The following IL2RB variants were observed in gnomAD, a reference collection of about 807,000 sequenced individuals.
The protein encoded by IL2RB is interleukin 2 receptor subunit beta.
Under a neutral mutation model 44.2 loss-of-function variants are expected in IL2RB, and 17 were observed. The observed-to-expected ratio is 0.38, with a 90% confidence interval of 0.26 to 0.58. The LOEUF (loss-of-function observed/expected upper bound fraction) is 0.58, where lower values mean the gene tolerates loss of function less well. Ranked by LOEUF, IL2RB falls within the 20% of genes least tolerant of loss-of-function variation. The pLI, the probability that IL2RB is intolerant of heterozygous loss-of-function variation, is 0.63. For missense variants in IL2RB, 624 were observed against 685.5 expected, an observed-to-expected ratio of 0.91 and a Z score of 1.00; for synonymous variants, 286 against 297.9, an observed-to-expected ratio of 0.96 and a Z score of 0.41.
In IL2RB at chr22:37,128,024, G is replaced by T; in HGVS notation, c.*72C>A. ...TGAGTGTCCTCAGCAGTGGACTGAGGACCCTCAACAGGGTCCTTCTGAGGC... is the reference window on the plus strand; with the variant it reads ...TGAGTGTCCTCAGCAGTGGACTGAGTACCCTCAACAGGGTCCTTCTGAGGC... On this transcript the variant is annotated 3_prime_UTR_variant, in exon 10 of 10. Coordinates refer to ENST00000216223, the MANE Select transcript of IL2RB (RefSeq NM_000878.5). This position sits in a 1 kb window ranked among gnomAD's most constrained non-coding sequence, Gnocchi z 4.5. 1 of 1,306,536 alleles carries T rather than the reference G, an allele frequency of 7.7e-7. No individual in the cohort carries two copies. The highest frequency in any genetic ancestry group is 1.8e-5 in the South Asian group (1 of 55,232). 80.9% of individuals were successfully genotyped at this position (1,306,536 alleles called of 1,614,324 possible). A position where few individuals can be genotyped will look rare whatever the true frequency, so the allele number is the denominator to read the frequency against.
intron 1 of IL2RB, among the ~76,000 whole-genome samples, chr22:37,148,667 G>T (rs1922343762): frequency 6.6e-6 from 1 of 152,132 alleles, no homozygotes; most frequent in African/African-American, 2.4e-5. Flanking sequence ...GCGCTCGGGG[G>T]TAGTTCAGCT....
chr22:37,164,690 G>T (rs1387302921), intron 1 of IL2RB, among the ~76,000 whole-genome samples: 1 of 152,068 alleles, frequency 6.6e-6, no homozygotes, highest in Non-Finnish European at 1.5e-5. Flanking sequence ...AGGAGGCTCT[G>T]AACAGCCCAC....
chr22:37,172,326 G>A (rs1002577004), intron 1 of IL2RB, among the ~76,000 whole-genome samples: 1 of 151,932 alleles, frequency 6.6e-6, no homozygotes, highest in Non-Finnish European at 1.5e-5. Flanking sequence ...GGCGCCCGCT[G>A]TGCTTGGGAT....
chr22:37,128,301 T>C lies in IL2RB; in HGVS notation c.1451A>G (p.Asp484Gly), dbSNP rs779563925. The C allele has an allele frequency of 3.3e-6, 5 of 1,495,918 alleles. No individual in the cohort carries two copies. Among genetic ancestry groups the C allele is most frequent in the Non-Finnish European group, 4.5e-6 (5 of 1,122,978 alleles). The allele number at this position is 1,495,918 out of a possible 1,614,324, so 92.7% of individuals were successfully genotyped here. A position where few individuals can be genotyped will look rare whatever the true frequency, so the allele number is the denominator to read the frequency against. Residue 484 changes from aspartate to glycine, a missense_variant, in exon 10 of 10, where the codon GAT becomes GGT. Transcript: ENST00000216223. This position sits in a 1 kb window ranked among gnomAD's most constrained non-coding sequence, Gnocchi z 4.5. ...CACCAGCTCAGGGGGTGGCTGAAAA[T>C]CCACCAGGTCTGGGACTCCTGGGGT... ...PPTPGVPDLVDFQPPPELVLR... is the reference protein window; with the variant it reads ...PPTPGVPDLVGFQPPPELVLR...
intron 1 of IL2RB, among the ~76,000 whole-genome samples, chr22:37,144,456 C>T (rs970950828): frequency 2.0e-5 from 3 of 152,224 alleles, no homozygotes; most frequent in Admixed American, 2.0e-4. Context: ...TAAAGAAGCA[C>T]CCGTCGTGGC....
chr22:37,127,254 GA>G lies in IL2RB; in HGVS notation c.*841del, dbSNP rs2146221803. On this transcript the variant is annotated 3_prime_UTR_variant, in exon 10 of 10. Transcript: ENST00000216223. The stretch of plus-strand genomic sequence containing the variant: ...TAAAGATACAGCAGCCAAGCACTCT[GA>G]GGCCTCAGAGATCCCAAAGGAATAG... The G allele has an allele frequency of 6.6e-6, 1 of 152,318 alleles. No homozygotes were observed. Among genetic ancestry groups the G allele is most frequent in the African/African-American group, 2.4e-5 (1 of 41,562 alleles). The allele number at this position is 152,318 out of a possible 1,614,324, so 9.4% of individuals were successfully genotyped here.
intron 1 of IL2RB, among the ~76,000 whole-genome samples, chr22:37,164,355 G>A (rs369519844): frequency 6.6e-4 from 101 of 152,190 alleles, no homozygotes; most frequent in Admixed American, 1.0e-3. Flanking sequence ...TGCTTTGATC[G>A]GGAGGATGTG....
intron 1 of IL2RB, among the ~76,000 whole-genome samples, chr22:37,149,360 C>T (rs1922376849): frequency 6.6e-6 from 1 of 152,208 alleles, no homozygotes; most frequent in East Asian, 1.9e-4. Flanking sequence ...TCCCCACTTA[C>T]TCCACAAGCC....
chr22:37,133,392 G>A (rs78940252), intron 8 of IL2RB, among the ~76,000 whole-genome samples: 2,121 of 152,292 alleles, frequency 0.014, 29 homozygotes, highest in South Asian at 0.042. Context: ...GCTCCAGGAC[G>A]AGGGTCAGGA....
At chr22:37,171,836 C>G (rs1028684836) in intron 1 of IL2RB, among the ~76,000 whole-genome samples, 1 of 152,154 alleles carries the variant, frequency 6.6e-6, no homozygotes, top group African/African-American at 2.4e-5. Flanking sequence ...ACCTTTCCTC[C>G]TAGAAAACTC....
chr22:37,132,929 A>G (rs1050776177), intron 8 of IL2RB, among the ~76,000 whole-genome samples: 4 of 152,190 alleles, frequency 2.6e-5, no homozygotes, highest in Admixed American at 6.5e-5. Flanking sequence ...ACACTGCCCA[A>G]GGGCATTAGG....
chr22:37,134,521 G>A (rs950722371), intron 8 of IL2RB, among the ~76,000 whole-genome samples: 3 of 152,196 alleles, frequency 2.0e-5, no homozygotes, highest in South Asian at 2.1e-4. Context: ...CAGGAGAATC[G>A]CTTGAACCCT....
At position 37,137,452 on chromosome 22, in the gene IL2RB, A is replaced by T. The variant is rs1601599065; in HGVS notation, c.537+135T>A. On this transcript the variant is annotated intron_variant, in intron 6 of 9. Transcript: ENST00000216223. ...TCGGGGAGGCAGCCCCAGGCAGTGC[A>T]GAAAGAGCACTGGACTCAGCCACCC... 1.5e-5 allele frequency: 13 copies of T among 854,694 alleles called. No individual in the cohort carries two copies. The East Asian group carries it at 3.2e-4, about 21-fold the overall frequency. The allele number at this position is 854,694 out of a possible 1,614,324, so 52.9% of individuals were successfully genotyped here.
chr22:37,146,815 CAA>C (rs34900038), intron 1 of IL2RB, among the ~76,000 whole-genome samples: 15 of 141,546 alleles, frequency 1.1e-4, no homozygotes, highest in East Asian at 2.0e-4. Flanking sequence ...CTCAGTACGG[CAA>C]AAAAAAAAAA....
At chr22:37,133,788 C>G (rs2146231217) in intron 8 of IL2RB, among the ~76,000 whole-genome samples, 1 of 152,352 alleles carries the variant, frequency 6.6e-6, no homozygotes, top group South Asian at 2.1e-4. Flanking sequence ...ATCACTGCCG[C>G]CACAGGCCCA....
intron 1 of IL2RB, among the ~76,000 whole-genome samples, chr22:37,146,760 C>T (rs1392524445): frequency 2.6e-5 from 4 of 151,898 alleles, no homozygotes; most frequent in South Asian, 2.1e-4. Flanking sequence ...GGCACACAGT[C>T]GGTGCTCAAT....
Position 37,126,879 on chromosome 22 carries a change from G to A in IL2RB, c.*1217C>T, listed in dbSNP as rs1921142123. The A allele has an allele frequency of 2.0e-5, 3 of 152,326 alleles. No individual in the cohort carries two copies. The highest frequency in any genetic ancestry group is 4.4e-5 in the Non-Finnish European group (3 of 68,128). 9.4% of individuals were successfully genotyped at this position (152,326 alleles called of 1,614,324 possible). The stretch of plus-strand genomic sequence containing the variant: ...AATGTCAGGCGCAGGGAGCCCAGAC[G>A]AGGTGGTGCCAGGTAATTAATTCGT... On this transcript the variant is annotated 3_prime_UTR_variant, in exon 10 of 10. Coordinates refer to ENST00000216223, the MANE Select transcript of IL2RB (RefSeq NM_000878.5).
intron 8 of IL2RB, 26 bp downstream of exon 8, chr22:37,135,302 A>G: frequency 6.5e-7 from 1 of 1,537,164 alleles, no homozygotes; most frequent in South Asian, 1.1e-5. Flanking sequence ...TGGGAGCATG[A>G]AGGAAGGGGA....
intron 1 of IL2RB, among the ~76,000 whole-genome samples, chr22:37,147,205 C>T (rs902876532): frequency 1.3e-5 from 2 of 152,192 alleles, no homozygotes; most frequent in African/African-American, 4.8e-5. Flanking sequence ...ATGCAGCAAT[C>T]AGGGCCTCTG....
Sources: gnomAD v4.1 joint callset for allele counts (sites outside exome capture counted in the v4.1 genomes callset) on GRCh38, gnomAD v4.1.1 for gene constraint, Gnocchi (gnomAD v3.1) non-coding constraint, MANE v1.5 for transcripts, NCBI Gene and HGNC (gene_info 2026-07-23, HGNC 2026-07-21) for gene names.